The following SLC60A1 variants were observed in gnomAD, a reference collection of about 807,000 sequenced individuals.
The protein encoded by SLC60A1 is major facilitator superfamily domain containing 4.
the SLC60A1 span, chr1:205,597,866 T>C: frequency 2.5e-6 from 4 of 1,613,276 alleles, no homozygotes; most frequent in Non-Finnish European, 3.4e-6. Flanking sequence ...TGGGGACCTG[T>C]AAGGGAGAGG....
the SLC60A1 span, among the ~76,000 whole-genome samples, chr1:205,576,590 A>G: frequency 6.6e-6 from 1 of 152,226 alleles, no homozygotes; most frequent in Non-Finnish European, 1.5e-5. Context: ...CTGTTTTGAC[A>G]TGGTTATTCC....
the SLC60A1 span, among the ~76,000 whole-genome samples, chr1:205,575,980 T>C: frequency 0.015 from 2,311 of 152,302 alleles, 26 homozygotes; most frequent in Non-Finnish European, 0.025. Flanking sequence ...CTGGCTCAGT[T>C]CTACTCCTCT....
chr1:205,570,195 G>A, the SLC60A1 span, among the ~76,000 whole-genome samples: 1 of 152,136 alleles, frequency 6.6e-6, no homozygotes, highest in Non-Finnish European at 1.5e-5. Context: ...GGCCACCTCC[G>A]GGCTCCCTTG....
chr1:205,600,776 C>T, the SLC60A1 span: 1 of 273,190 alleles, frequency 3.7e-6, no homozygotes, highest in Non-Finnish European at 6.9e-6. Flanking sequence ...ATGGACCATA[C>T]TCTGGGTTTG....
At chr1:205,569,021 G>C in the SLC60A1 span, 2 of 1,242,256 alleles carry the variant, frequency 1.6e-6, no homozygotes, top group East Asian at 3.7e-5. Context: ...GGCGGCACTC[G>C]GGCACCGGGC....
At chr1:205,595,435 G>C in the SLC60A1 span, among the ~76,000 whole-genome samples, 5 of 152,092 alleles carry the variant, frequency 3.3e-5, no homozygotes, top group Non-Finnish European at 5.9e-5. Flanking sequence ...ATCCCCACTG[G>C]AAAGGTGTGC....
the SLC60A1 span, chr1:205,600,284 C>A: frequency 1.0e-6 from 1 of 969,616 alleles, no homozygotes; most frequent in Non-Finnish European, 1.5e-6. Context: ...TTTCACTTTG[C>A]TCCCTCTAGA....
At chr1:205,576,675 G>A in the SLC60A1 span, among the ~76,000 whole-genome samples, 363 of 152,324 alleles carry the variant, frequency 2.4e-3, no homozygotes, top group Non-Finnish European at 3.8e-3. Context: ...AATGTATTTC[G>A]GTCTGGCTCT....
chr1:205,579,844 G>C, the SLC60A1 span: 1 of 1,614,176 alleles, frequency 6.2e-7, no homozygotes. Context: ...TGAAGGTGCT[G>C]GCCTCAGTCA....
At chr1:205,597,701 G>A in the SLC60A1 span, 5 of 1,500,618 alleles carry the variant, frequency 3.3e-6, no homozygotes, top group Admixed American at 8.4e-5. Flanking sequence ...CACTGTGCCT[G>A]GCCAGCAACC....
the SLC60A1 span, chr1:205,601,023 CTT>C: frequency 2.0e-5 from 3 of 152,308 alleles, no homozygotes; most frequent in Non-Finnish European, 4.4e-5. Context: ...ATCTTGCTCT[CTT>C]TGGTATACTA....
chr1:205,577,728 C>T, the SLC60A1 span, among the ~76,000 whole-genome samples: 2 of 152,180 alleles, frequency 1.3e-5, no homozygotes, highest in African/African-American at 4.8e-5. This position sits in a 1 kb window ranked among gnomAD's most constrained non-coding sequence, Gnocchi z 5.2. Flanking sequence ...CATACCCATA[C>T]ACATGCACCC....
chr1:205,597,894 C>G, the SLC60A1 span: 3 of 1,585,458 alleles, frequency 1.9e-6, no homozygotes, highest in Middle Eastern at 1.8e-4. Context: ...TTGGGGAGCA[C>G]TCCTCTGACA....
the SLC60A1 span, chr1:205,597,574 T>C: frequency 2.2e-6 from 1 of 462,112 alleles, no homozygotes. Context: ...AATTTTACTT[T>C]TTGTAGAGAC....
At chr1:205,573,760 G>A in the SLC60A1 span, among the ~76,000 whole-genome samples, 21 of 152,026 alleles carry the variant, frequency 1.4e-4, no homozygotes, top group Non-Finnish European at 2.6e-4. Context: ...GAGGTGGTAC[G>A]ATCTCATCTC....
the SLC60A1 span, chr1:205,584,753 G>A: frequency 5.0e-6 from 4 of 804,266 alleles, no homozygotes; most frequent in East Asian, 2.5e-5. Flanking sequence ...GGTCGTGAAA[G>A]TAGAGGCAGT....
At chr1:205,599,368 A>C in the SLC60A1 span, 1 of 1,271,800 alleles carries the variant, frequency 7.9e-7, no homozygotes, top group Non-Finnish European at 1.1e-6. Flanking sequence ...TGTTCCAAGT[A>C]AAATGCAAGG....
the SLC60A1 span, among the ~76,000 whole-genome samples, chr1:205,590,843 A>G: frequency 1.3e-5 from 2 of 152,198 alleles, no homozygotes; most frequent in Non-Finnish European, 2.9e-5. Flanking sequence ...GCCCACAGAG[A>G]AACACTAGGA....
At chr1:205,590,717 A>T in the SLC60A1 span, among the ~76,000 whole-genome samples, 1 of 152,184 alleles carries the variant, frequency 6.6e-6, no homozygotes, top group Non-Finnish European at 1.5e-5. Flanking sequence ...TTTCTTGCCT[A>T]GCTCTATAGT....
Sources: allele counts gnomAD v4.1 joint callset (sites outside exome capture counted in the v4.1 genomes callset), GRCh38; gene constraint gnomAD v4.1.1; non-coding constraint Gnocchi (gnomAD v3.1); transcripts MANE v1.5; gene names NCBI Gene and HGNC (gene_info 2026-07-23, HGNC 2026-07-21).